Variants in SLC45A4 observed in about 807,000 individuals in gnomAD.
SLC45A4 encodes polyamine-transporter SLC45A4.
In SLC45A4, 32 loss-of-function variants were observed where a neutral mutation model predicts 63.7. The observed-to-expected ratio is 0.50, with a 90% CI of 0.38 to 0.67. The LOEUF is 0.67. SLC45A4 is among the 30% of genes least tolerant of loss of function. The pLI is 0.00. For missense variants in SLC45A4, 1,027 were observed against 1,157.7 expected, an observed-to-expected ratio of 0.89 and a Z score of 1.64; for synonymous variants, 535 against 510.0, an observed-to-expected ratio of 1.05 and a Z score of -0.66.
rs540831924 is a variant in SLC45A4, at chr8:141,285,662, C to T, written c.-401+22434G>A. Among the ~76,000 whole-genome samples, 9 of 152,314 alleles carry T rather than the reference C, an allele frequency of 5.9e-5. No homozygotes were observed. In the South Asian group the frequency reaches 8.3e-4, roughly 14 times the overall value. Reference sequence around the variant, plus strand: ...CGCGCACCCCAAGTTAGGGAAGCGCCGCCCTGGGATAACGAGGACCAACAG... The same window carrying T: ...CGCGCACCCCAAGTTAGGGAAGCGCTGCCCTGGGATAACGAGGACCAACAG... On this transcript the variant is annotated intron_variant, in intron 1 of 8. Coordinates refer to ENST00000517878, the MANE Select transcript of SLC45A4 (RefSeq NM_001286646.2).
In SLC45A4 at chr8:141,219,085, A is replaced by G. The variant is rs547187101; in HGVS notation, c.611-56T>C. On this transcript the variant is annotated intron_variant, in intron 4 of 8. Coordinates refer to ENST00000517878, the MANE Select transcript of SLC45A4 (RefSeq NM_001286646.2). Reference sequence around the variant, plus strand: ...CGGTGGCACCAGGCCACAGGGGGGGAAGCTCTGGGAGGGCCTCTCCCTCTA... The same window carrying G: ...CGGTGGCACCAGGCCACAGGGGGGGGAGCTCTGGGAGGGCCTCTCCCTCTA... 1.5e-5 allele frequency: 24 copies of G among 1,560,280 alleles called. No individual in the cohort carries two copies. In the African/African-American group the frequency reaches 2.3e-4, roughly 15 times the overall value.
intron 1 of SLC45A4, among the ~76,000 whole-genome samples, chr8:141,291,348 T>C (rs1830340368): frequency 6.6e-6 from 1 of 152,232 alleles, no homozygotes; most frequent in African/African-American, 2.4e-5. Context: ...TTCATCTAAC[T>C]GGCCAAAGGA....
In SLC45A4 at chr8:141,253,775, A is replaced by G. The variant is rs569238068; in HGVS notation, c.241+214T>C. On this transcript the variant is annotated intron_variant, in intron 2 of 8. Coordinates refer to ENST00000517878, the MANE Select transcript of SLC45A4 (RefSeq NM_001286646.2). ...ACCACTTTGCCAAAACTGTAATTCAACGTCAACATCCGAAGATCACTCCTC... is the reference window on the plus strand; with the variant it reads ...ACCACTTTGCCAAAACTGTAATTCAGCGTCAACATCCGAAGATCACTCCTC... Among the ~76,000 whole-genome samples the G allele has an allele frequency of 7.2e-5, 11 of 152,308 alleles. No homozygotes were observed. In the East Asian group the frequency reaches 1.9e-3, roughly 27 times the overall value.
intron 2 of SLC45A4, 139 bp from the exon 3 acceptor site, chr8:141,221,904 G>A: frequency 4.9e-6 from 4 of 815,914 alleles, no homozygotes; most frequent in Non-Finnish European, 5.7e-6. Flanking sequence ...TGTCTCCACG[G>A]GGTAGACTTT....
At chr8:141,287,631 C>CT (rs1830197691) in intron 1 of SLC45A4, among the ~76,000 whole-genome samples, 1 of 152,364 alleles carries the variant, frequency 6.6e-6, no homozygotes, top group Non-Finnish European at 1.5e-5. Context: ...TGTGCGGCAT[C>CT]TTTTCAGTCT....
At chr8:141,301,250 A>G (rs1173868159) in intron 1 of SLC45A4, among the ~76,000 whole-genome samples, 2 of 152,114 alleles carry the variant, frequency 1.3e-5, no homozygotes, top group Non-Finnish European at 2.9e-5. Context: ...CCCACCCCCC[A>G]GCTCTTTGAG....
intron 1 of SLC45A4, among the ~76,000 whole-genome samples, chr8:141,277,327 A>G (rs1399729105): frequency 6.6e-6 from 1 of 152,266 alleles, no homozygotes; most frequent in Non-Finnish European, 1.5e-5. Flanking sequence ...AGAAATGTCA[A>G]CTGATCCCTG....
intron 1 of SLC45A4, among the ~76,000 whole-genome samples, chr8:141,305,823 A>C (rs1439309166): frequency 1.3e-5 from 2 of 152,096 alleles, no homozygotes; most frequent in Non-Finnish European, 2.9e-5. Flanking sequence ...ACACAGATAC[A>C]ATCCATTCAC....
chr8:141,213,558 G>C lies in SLC45A4; in HGVS notation c.1942-1002C>G, dbSNP rs145276323. Among the ~76,000 whole-genome samples, 1,046 of 152,352 alleles carry C rather than the reference G, an allele frequency of 6.9e-3. 10 individuals are homozygous for C. The highest frequency in any genetic ancestry group is 0.024 in the African/African-American group (994 of 41,570). On this transcript the variant is annotated intron_variant, in intron 7 of 8. Coordinates refer to ENST00000517878, the MANE Select transcript of SLC45A4 (RefSeq NM_001286646.2). ...GAAAACCCAACATTAAAACCTGCAT[G>C]GTGCAGCTAAAGGTGTGTGTGGAGG...
chr8:141,241,263 G>A (rs1253655983), intron 2 of SLC45A4, among the ~76,000 whole-genome samples: 1 of 152,240 alleles, frequency 6.6e-6, no homozygotes, highest in East Asian at 1.9e-4. Flanking sequence ...GGCGACAGAC[G>A]GCTCACCGGC....
intron 1 of SLC45A4, among the ~76,000 whole-genome samples, chr8:141,273,370 C>A (rs147931917): frequency 0.011 from 1,713 of 152,310 alleles, 31 homozygotes; most frequent in African/African-American, 0.039. Flanking sequence ...GCCTGCGCAT[C>A]CCCTGAAATC....
intron 5 of SLC45A4, 141 bp from the exon 6 acceptor site, chr8:141,217,330 GC>G (rs1215578789): frequency 1.2e-6 from 1 of 811,974 alleles, no homozygotes; most frequent in Non-Finnish European, 1.9e-6. Flanking sequence ...GGAGAGCCCA[GC>G]CCAAGTCGGT....
At chr8:141,293,072 CTACT>C (rs1830416986) in intron 1 of SLC45A4, among the ~76,000 whole-genome samples, 1 of 152,214 alleles carries the variant, frequency 6.6e-6, no homozygotes, top group Non-Finnish European at 1.5e-5. Context: ...CCCCACCCCC[CTACT>C]GAGGCTGGAT....
intron 1 of SLC45A4, among the ~76,000 whole-genome samples, chr8:141,275,609 CAA>C (rs58255670): frequency 3.2e-5 from 4 of 125,372 alleles, no homozygotes; most frequent in African/African-American, 5.9e-5. Context: ...ACCCCTGTCT[CAA>C]AAAAAAAAAA....
intron 1 of SLC45A4, among the ~76,000 whole-genome samples, chr8:141,302,975 T>C (rs936454687): frequency 3.3e-5 from 5 of 150,664 alleles, no homozygotes; most frequent in Non-Finnish European, 5.9e-5. Flanking sequence ...ATTTTCTTGT[T>C]TTCTGGCCTT....
rs570987909 is a variant in SLC45A4, at chr8:141,269,411, A to C, written c.-400-14782T>G. Among the ~76,000 whole-genome samples the C allele has an allele frequency of 4.8e-5, 7 of 144,818 alleles. No individual in the cohort carries two copies. The South Asian group carries it at 1.5e-3, about 30-fold the overall frequency. Reference sequence around the variant, plus strand: ...GAGCTTGCTGTGAATCTGCAGCGGCAGAGGGGAGTGGGCAGAGGCCAGGTG... The same window carrying C: ...GAGCTTGCTGTGAATCTGCAGCGGCCGAGGGGAGTGGGCAGAGGCCAGGTG... On this transcript the variant is annotated intron_variant, in intron 1 of 8. Coordinates refer to ENST00000517878, the MANE Select transcript of SLC45A4 (RefSeq NM_001286646.2).
At chr8:141,238,008 C>T (rs1827715047) in intron 2 of SLC45A4, among the ~76,000 whole-genome samples, 1 of 152,254 alleles carries the variant, frequency 6.6e-6, no homozygotes, top group African/African-American at 2.4e-5. Context: ...AACATCCTTG[C>T]ACAAGAAGTT....
intron 1 of SLC45A4, among the ~76,000 whole-genome samples, chr8:141,263,627 G>A (rs1309738374): frequency 6.6e-6 from 1 of 151,124 alleles, no homozygotes; most frequent in East Asian, 1.9e-4. Flanking sequence ...AAAATTAGCT[G>A]GGCATGGTGG....
chr8:141,301,999 C>G (rs535501397), intron 1 of SLC45A4, among the ~76,000 whole-genome samples: 1 of 151,918 alleles, frequency 6.6e-6, no homozygotes, highest in East Asian at 1.9e-4. Flanking sequence ...AAAAGACTTT[C>G]AAATGGAGCA....
Sources: gnomAD v4.1 joint callset for allele counts (sites outside exome capture counted in the v4.1 genomes callset) on GRCh38, gnomAD v4.1.1 for gene constraint, MANE v1.5 for transcripts, NCBI Gene and HGNC (gene_info 2026-07-23, HGNC 2026-07-21) for gene names.